Variants in TMEM14A observed in about 807,000 individuals in gnomAD.
The protein encoded by TMEM14A is transmembrane protein 14A.
A neutral mutation model predicts 11.6 loss-of-function variants in TMEM14A; 8 were observed. The ratio of observed to expected loss-of-function variants is 0.69; its 90% confidence interval spans 0.40 to 1.24. The LOEUF is 1.24. TMEM14A is among the 50% of genes most tolerant of loss of function. The probability of loss-of-function intolerance (pLI) is 0.01; values close to 1 mark genes in which losing one functional copy is unlikely to be tolerated. For synonymous variants in TMEM14A, 34 were observed against 45.5 expected (o/e 0.75, Z 1.02); for missense variants, 108 against 121.9 (o/e 0.89, Z 0.54).
chr6:52,680,671 A>ATATATATATGTG (rs1769362762), intron 2 of TMEM14A, among the ~76,000 whole-genome samples: 1 of 33,598 alleles, frequency 3.0e-5, no homozygotes, highest in African/African-American at 9.5e-5. Flanking sequence ...ATATATGTGT[A>ATATATATATGTG]TATATATATA....
chr6:52,678,329 TTGTGTGTGTGTGTG>T (rs201993880), intron 2 of TMEM14A, among the ~76,000 whole-genome samples: 1 of 30,086 alleles, frequency 3.3e-5, no homozygotes. Context: ...ATGTGTGTGT[TTGTGTGTGTGTGTG>T]TGTGTGTGTG....
chr6:52,686,032 G>T lies in TMEM14A; in HGVS notation c.283G>T (p.Val95Phe). 6.2e-7 allele frequency: 1 copy of T among 1,612,020 alleles called. No individual in the cohort carries two copies. The highest frequency in any genetic ancestry group is 8.5e-7 in the Non-Finnish European group (1 of 1,179,056). The change falls in exon 5 of 5, where the codon GTC (valine) becomes TTC (phenylalanine). Residue 95 changes from valine (V) to phenylalanine (F), a missense_variant. Val to Phe is a conservative substitution (Grantham distance 50). Coordinates refer to ENST00000211314, the MANE Select transcript of TMEM14A (RefSeq NM_014051.4). ...GLSLMMILRLVLLLL is the reference protein window; with the variant it reads ...GLSLMMILRLFLLLL ...CAGCCTCATGATGATCCTGAGACTT[G>T]TCTTGTTGCTGCTCTGAGCATCTGG...
intron 2 of TMEM14A, among the ~76,000 whole-genome samples, chr6:52,678,321 GTGTGTGTT>G (rs199571891): frequency 0.17 from 1,872 of 10,812 alleles, 39 homozygotes; most frequent in East Asian, 0.35. Context: ...GTGTGTGTAT[GTGTGTGTT>G]TGTGTGTGTG....
intron 1 of TMEM14A, among the ~76,000 whole-genome samples, chr6:52,671,928 C>T (rs1356889674): frequency 2.0e-5 from 3 of 152,230 alleles, no homozygotes; most frequent in Non-Finnish European, 4.4e-5. Flanking sequence ...CTGGCCTGGC[C>T]ACATGGCTCC....
chr6:52,677,118 T>G lies in TMEM14A; in HGVS notation c.16T>G (p.Phe6Val). 6.2e-7 allele frequency: 1 copy of G among 1,614,216 alleles called. No individual in the cohort carries two copies. Among genetic ancestry groups the G allele is most frequent in the Non-Finnish European group, 8.5e-7 (1 of 1,180,038 alleles). MDLIG[F>V]GYAALVTFGS... ...AACCTTGCCAATGGACCTGATCGGT[T>G]TTGGTTATGCAGCCCTCGTGACATT... The change falls in exon 2 of 5, where the codon TTT becomes GTT. Residue 6 changes from phenylalanine (F) to valine (V), a missense_variant. Phe to Val is a conservative substitution (Grantham distance 50). Transcript: ENST00000211314.
At chr6:52,680,665 A>ATG (rs376209722) in intron 2 of TMEM14A, among the ~76,000 whole-genome samples, 44 of 47,188 alleles carry the variant, frequency 9.3e-4, no homozygotes, top group African/African-American at 2.8e-3. Flanking sequence ...GTGTATATAT[A>ATG]TGTGTATATA....
At chr6:52,680,611 A>ATATG (rs1342408407) in intron 2 of TMEM14A, among the ~76,000 whole-genome samples, 2 of 107,520 alleles carry the variant, frequency 1.9e-5, no homozygotes, top group African/African-American at 6.9e-5. Flanking sequence ...ATATATATAT[A>ATATG]TGTATATATA....
Position 52,675,992 on chromosome 6 carries a change from C to T in TMEM14A, c.-16-1095C>T, listed in dbSNP as rs568864336. Among the ~76,000 whole-genome samples the T allele has an allele frequency of 1.1e-4, 17 of 152,170 alleles. No homozygotes were observed. In the East Asian group the frequency reaches 2.3e-3, roughly 21 times the overall value. On this transcript the variant is annotated intron_variant, in intron 1 of 4. Coordinates refer to ENST00000211314, the MANE Select transcript of TMEM14A (RefSeq NM_014051.4). ...AGGGAGGTGGCATACAGGGGATAGT[C>T]GGGCTTTTGGAGGTGGACAGGGAGG... is the stretch of plus-strand genomic sequence containing the variant.
intron 1 of TMEM14A, among the ~76,000 whole-genome samples, chr6:52,671,637 T>C (rs980760685): frequency 6.6e-6 from 1 of 152,148 alleles, no homozygotes; most frequent in Non-Finnish European, 1.5e-5. Context: ...GTAATTGTTA[T>C]ATCTTTAGCA....
At chr6:52,677,954 T>TG (rs1272262230) in intron 2 of TMEM14A, among the ~76,000 whole-genome samples, 2 of 152,144 alleles carry the variant, frequency 1.3e-5, no homozygotes, top group Admixed American at 6.5e-5. Context: ...CTCTTGTAGC[T>TG]GGGGGGCTGG....
At chr6:52,679,884 G>A (rs2127263781) in intron 2 of TMEM14A, among the ~76,000 whole-genome samples, 1 of 151,618 alleles carries the variant, frequency 6.6e-6, no homozygotes, top group African/African-American at 2.4e-5. Flanking sequence ...AGGGTGGGGT[G>A]GGGTGATCCT....
In TMEM14A at chr6:52,677,003, C is replaced by A; in HGVS notation, c.-16-84C>A. 12 of 1,296,948 alleles carry A rather than the reference C, an allele frequency of 9.3e-6. No homozygotes were observed. The South Asian group carries it at 1.5e-4, about 16-fold the overall frequency. 80.3% of individuals were successfully genotyped at this position (1,296,948 alleles called of 1,614,324 possible). A position where few individuals can be genotyped will look rare whatever the true frequency, so the allele number is the denominator to read the frequency against. ...ATTTGGGTGGGGACACACAGCCAAA[C>A]CATATAAGCGTATCATTTTTAGATA... is the stretch of plus-strand genomic sequence containing the variant. On this transcript the variant is annotated intron_variant, in intron 1 of 4. Coordinates refer to ENST00000211314, the MANE Select transcript of TMEM14A (RefSeq NM_014051.4).
intron 2 of TMEM14A, among the ~76,000 whole-genome samples, chr6:52,680,718 TGG>T (rs1439475745): frequency 7.3e-6 from 1 of 136,336 alleles, no homozygotes. Context: ...CATATATATA[TGG>T]CATGGATGAT....
At chr6:52,678,744 A>G (rs1769309300) in intron 2 of TMEM14A, among the ~76,000 whole-genome samples, 1 of 152,180 alleles carries the variant, frequency 6.6e-6, no homozygotes, top group South Asian at 2.1e-4. Flanking sequence ...AAGATGATGC[A>G]TGGTACACAT....
At chr6:52,674,557 AG>A (rs1462794938) in intron 1 of TMEM14A, among the ~76,000 whole-genome samples, 6 of 152,220 alleles carry the variant, frequency 3.9e-5, no homozygotes, top group Non-Finnish European at 8.8e-5. Flanking sequence ...GATACACATA[AG>A]GCACCTAGAA....
At chr6:52,681,422 TATC>T (rs1769390348) in intron 2 of TMEM14A, among the ~76,000 whole-genome samples, 1 of 152,192 alleles carries the variant, frequency 6.6e-6, no homozygotes, top group South Asian at 2.1e-4. Context: ...TCTTAGTTTT[TATC>T]ATCACAACCT....
intron 3 of TMEM14A, among the ~76,000 whole-genome samples, chr6:52,683,483 CAAA>C (rs71799754): frequency 1.5e-4 from 19 of 130,934 alleles, no homozygotes; most frequent in East Asian, 8.8e-4. Flanking sequence ...ACAACAACAA[CAAA>C]AAAAAAAAAA....
intron 2 of TMEM14A, among the ~76,000 whole-genome samples, chr6:52,681,000 T>A (rs970493115): frequency 6.6e-6 from 1 of 151,704 alleles, no homozygotes. Flanking sequence ...GAATTTCCAA[T>A]GGATATTTTA....
At chr6:52,683,706 G>A (rs1024127733) in intron 3 of TMEM14A, among the ~76,000 whole-genome samples, 2 of 150,696 alleles carry the variant, frequency 1.3e-5, no homozygotes, top group African/African-American at 2.4e-5. Flanking sequence ...CTGCCTCCCC[G>A]GTTCAAGCAA....
Sources: gnomAD v4.1 joint callset for allele counts (sites outside exome capture counted in the v4.1 genomes callset) on GRCh38, gnomAD v4.1.1 for gene constraint, MANE v1.5 for transcripts, NCBI Gene and HGNC (gene_info 2026-07-23, HGNC 2026-07-21) for gene names.